CABP1: variants seen among roughly 807,000 people sequenced by gnomAD.
The protein encoded by CABP1 is calcium-binding protein 1.
Under a neutral mutation model 34.3 loss-of-function variants are expected in CABP1, and 17 were observed. The observed-to-expected ratio is 0.50, with a 90% CI of 0.34 to 0.74. The LOEUF is 0.74. Ranked by LOEUF, CABP1 falls within the 30% of genes least tolerant of loss-of-function variation. The pLI is 0.01. For missense variants in CABP1, 373 were observed against 511.1 expected, an observed-to-expected ratio of 0.73 and a Z score of 2.61; for synonymous variants, 198 against 229.2, an observed-to-expected ratio of 0.86 and a Z score of 1.23.
chr12:120,662,751 C>T (rs1880734912), intron 5 of CABP1, among the ~76,000 whole-genome samples: 1 of 148,690 alleles, frequency 6.7e-6, no homozygotes, highest in African/African-American at 2.5e-5. Context: ...ATGGCACGAT[C>T]TCAGCTCACT....
chr12:120,670,640 C>T (rs967372049), downstream of CABP1, among the ~76,000 whole-genome samples: 3 of 152,086 alleles, frequency 2.0e-5, no homozygotes, highest in Non-Finnish European at 2.9e-5. Context: ...CCCAGCTATA[C>T]GGGAGGCTGA....
intron 1 of CABP1, chr12:120,656,113 CAG>C: frequency 6.2e-7 from 1 of 1,614,200 alleles, no homozygotes; most frequent in South Asian, 1.1e-5. Context: ...AGGAACAGAC[CAG>C]CTACATGGTG....
rs1491549386 is a variant in CABP1 at position 120,642,300 on chromosome 12, A to AG, written c.654+968dup. ...GCGTTTGCGTGGTTTGTAGGGAAAC[A>AG]GGGGGGGCTGTGCCTTTCTGTGCTG... is the stretch of plus-strand genomic sequence containing the variant. On this transcript the variant is annotated intron_variant, in intron 1 of 5. Coordinates refer to ENST00000316803, the MANE Select transcript of CABP1 (RefSeq NM_001033677.2). Among the ~76,000 whole-genome samples, 10 of 152,030 alleles carry AG rather than the reference A, an allele frequency of 6.6e-5. 1 individual carries two copies. The South Asian group carries it at 1.0e-3, about 16-fold the overall frequency.
At chr12:120,663,983 G>C (rs1880810555) in intron 5 of CABP1, among the ~76,000 whole-genome samples, 1 of 152,238 alleles carries the variant, frequency 6.6e-6, no homozygotes, top group African/African-American at 2.4e-5. Context: ...GAACACAAAG[G>C]CTGGGAGGTT....
At chr12:120,659,769 C>T (rs764424777) in intron 1 of CABP1, 109 bp from the exon 2 acceptor site, 62 of 947,540 alleles carry the variant, frequency 6.5e-5, no homozygotes, top group South Asian at 7.4e-5. Flanking sequence ...GCTGCATCCT[C>T]GTCACCTCCT....
Position 120,660,050 on chromosome 12 carries a change from T to G in CABP1, c.685+142T>G. 4.7e-6 allele frequency: 6 copies of G among 1,290,036 alleles called. No individual in the cohort carries two copies. The South Asian group carries it at 8.1e-5, about 17-fold the overall frequency. The allele number at this position is 1,290,036 out of a possible 1,614,324, so 79.9% of individuals were successfully genotyped here. A position where few individuals can be genotyped will look rare whatever the true frequency, so the allele number is the denominator to read the frequency against. ...TCTGTGAAACCAGCTGCTGAAGGTG[T>G]GCACAGGAGGCAAGAGAAATGCCCC... is the stretch of plus-strand genomic sequence containing the variant. On this transcript the variant is annotated intron_variant, in intron 2 of 5. Coordinates refer to ENST00000316803, the MANE Select transcript of CABP1 (RefSeq NM_001033677.2). This position sits in a 1 kb window ranked among gnomAD's most constrained non-coding sequence, Gnocchi z 5.0.
Position 120,660,167 on chromosome 12 carries a change from A to T in CABP1, c.686-29A>T. 1 of 1,613,252 alleles carries T rather than the reference A, an allele frequency of 6.2e-7. No homozygotes were observed. Among genetic ancestry groups the T allele is most frequent in the Non-Finnish European group, 8.5e-7 (1 of 1,179,510 alleles). On this transcript the variant is annotated intron_variant, in intron 2 of 5. Transcript: ENST00000316803. The surrounding 1 kb of genome is among the most constrained non-coding windows in gnomAD (Gnocchi z 5.0). ...AGAGGCTCTGCGGGTCCTACCCCTG[A>T]CCACATCCACCTTTGCTCACTTCCC...
chr12:120,679,739 A>C, the CABP1 span, among the ~76,000 whole-genome samples: 2 of 152,188 alleles, frequency 1.3e-5, no homozygotes, highest in Admixed American at 1.3e-4. Flanking sequence ...AGGCAGGAGA[A>C]TCACTTGAAC....
At chr12:120,676,195 G>T in the CABP1 span, among the ~76,000 whole-genome samples, 171 of 152,270 alleles carry the variant, frequency 1.1e-3, no homozygotes, top group Non-Finnish European at 2.0e-3. Flanking sequence ...ATTAAACAAA[G>T]AATTAGTTCC....
chr12:120,643,768 G>A (rs1879439275), intron 1 of CABP1, among the ~76,000 whole-genome samples: 1 of 152,176 alleles, frequency 6.6e-6, no homozygotes, highest in Non-Finnish European at 1.5e-5. Context: ...GGATCATCAG[G>A]GTGCTTGGGA....
At position 120,640,979 on chromosome 12, in the gene CABP1, C is replaced by T. The variant is rs899718617; in HGVS notation, c.294C>T (p.Ser98=). 16 of 1,151,926 alleles carry T rather than the reference C, an allele frequency of 1.4e-5. No individual in the cohort carries two copies. The African/African-American group carries it at 2.3e-4, about 16-fold the overall frequency. 71.4% of individuals were successfully genotyped at this position (1,151,926 alleles called of 1,614,324 possible). A position where few individuals can be genotyped will look rare whatever the true frequency, so the allele number is the denominator to read the frequency against. The change falls in exon 1 of 6, where the codon AGC becomes AGT. Residue 98 remains serine, a synonymous_variant. Transcript: ENST00000316803. This position sits in a 1 kb window ranked among gnomAD's most constrained non-coding sequence, Gnocchi z 6.2. ...HGPARDPGLP[S]RRLPGSCPAT... ...CTGCCCGGGACCCGGGGCTGCCTAG[C>T]CGCCGGCTACCCGGCTCCTGCCCGG...
At chr12:120,665,427 A>AAAAT (rs563150478) in intron 5 of CABP1, among the ~76,000 whole-genome samples, 13 of 152,246 alleles carry the variant, frequency 8.5e-5, no homozygotes, top group Admixed American at 7.2e-4. Context: ...CCCTGTCTCA[A>AAAAT]AAATAAATAA....
chr12:120,643,342 T>C (rs1294042274), intron 1 of CABP1, among the ~76,000 whole-genome samples: 1 of 152,208 alleles, frequency 6.6e-6, no homozygotes, highest in East Asian at 1.9e-4. Context: ...GACTTTCGTG[T>C]CAGAGCCTCC....
At position 120,660,847 on chromosome 12, in the gene CABP1, G is replaced by T; in HGVS notation, c.939+7G>T. On this transcript the variant is annotated splice_region_variant and intron_variant, in intron 4 of 5. Transcript: ENST00000316803. This position sits in a 1 kb window ranked among gnomAD's most constrained non-coding sequence, Gnocchi z 5.0. ...GCGAGATGCTTTCCGAGAGGTAACG[G>T]ACAGAGGCAGGCAGGCATGGGGCGG... 6.3e-7 allele frequency: 1 copy of T among 1,596,750 alleles called. No homozygotes were observed. The highest frequency in any genetic ancestry group is 8.6e-7 in the Non-Finnish European group (1 of 1,164,160).
intron 1 of CABP1, among the ~76,000 whole-genome samples, chr12:120,648,506 G>C (rs947612116): frequency 1.3e-5 from 2 of 152,122 alleles, no homozygotes; most frequent in African/African-American, 4.8e-5. Context: ...TCTCATGTAT[G>C]CTATATAAGC....
chr12:120,652,257 G>T (rs1418286905), intron 1 of CABP1, among the ~76,000 whole-genome samples: 4 of 152,170 alleles, frequency 2.6e-5, no homozygotes, highest in African/African-American at 9.7e-5. Context: ...TAGAGAAGCG[G>T]GATGGAGGAG....
At chr12:120,651,229 T>C (rs1879825904) in intron 1 of CABP1, among the ~76,000 whole-genome samples, 1 of 152,128 alleles carries the variant, frequency 6.6e-6, no homozygotes, top group Non-Finnish European at 1.5e-5. Flanking sequence ...TCAGAGTATC[T>C]CAAATAGGAC....
chr12:120,670,542 G>A (rs1345342545), downstream of CABP1, among the ~76,000 whole-genome samples: 1 of 152,170 alleles, frequency 6.6e-6, no homozygotes, highest in Non-Finnish European at 1.5e-5. Context: ...GAGGTCAGGA[G>A]TCTGAGACCA....
At chr12:120,677,315 T>C in the CABP1 span, among the ~76,000 whole-genome samples, 53 of 151,444 alleles carry the variant, frequency 3.5e-4, no homozygotes, top group South Asian at 8.8e-3. Context: ...CTTGAACTCC[T>C]GACCTCAAGT....
Sources: allele counts gnomAD v4.1 joint callset (sites outside exome capture counted in the v4.1 genomes callset), GRCh38; gene constraint gnomAD v4.1.1; non-coding constraint Gnocchi (gnomAD v3.1); transcripts MANE v1.5; gene names NCBI Gene and HGNC (gene_info 2026-07-23, HGNC 2026-07-21).